The following DIAPH2 variants were observed in gnomAD, a reference collection of about 807,000 sequenced individuals.
DIAPH2 encodes the protein protein diaphanous homolog 2.
A neutral mutation model predicts 92.7 loss-of-function variants in DIAPH2; 35 were observed. That is an observed-to-expected ratio of 0.38 (90% CI 0.29 to 0.50). The LOEUF (loss-of-function observed/expected upper bound fraction) is 0.50. DIAPH2 is among the 20% of genes least tolerant of loss of function. DIAPH2 has a pLI of 0.94. For synonymous variants in DIAPH2, 301 were observed against 280.4 expected (o/e 1.07, Z -0.73); for missense variants, 701 against 819.5 (o/e 0.86, Z 1.77).
In DIAPH2 at chrX:97,141,745, T is replaced by G; in HGVS notation, c.2670T>G (p.Asp890Glu). Residue 890 changes from aspartate to glutamate, a missense_variant, in exon 22 of 27, where the codon GAT becomes GAG. Around this residue, in one of 3 missense-constraint regions of DIAPH2, gnomAD observed 536 missense variants for 599.3 expected, o/e 0.89. Transcript: ENST00000324765. ...IADICEEKYR[D>E]ILKFPEELEH... ...ACATTTGTGAGGAAAAATATCGAGA[T>G]ATCCTAAAATTTCCTGAAGAACTGG... The G allele has an allele frequency of 8.3e-7, 1 of 1,205,109 alleles. No homozygotes were observed. Among genetic ancestry groups the G allele is most frequent in the Non-Finnish European group, 1.1e-6 (1 of 892,995 alleles).
In DIAPH2 at chrX:97,292,194, A is replaced by G. The variant is rs765240507; in HGVS notation, c.2844+44355A>G. The stretch of plus-strand genomic sequence containing the variant: ...CAGGTGCATGACACCACACCAGGCT[A>G]ATTTTTTAATCTTTATTTTTGTAGA... On this transcript the variant is annotated intron_variant, in intron 23 of 26. Transcript: ENST00000324765. Among the ~76,000 whole-genome samples, 147 of 108,669 alleles carry G rather than the reference A, an allele frequency of 1.4e-3. 1 individual carries two copies. Among genetic ancestry groups the G allele is most frequent in the African/African-American group, 4.7e-3 (140 of 29,755 alleles). The allele number at this position is 108,669 out of a possible 115,157, so 94.4% of individuals were successfully genotyped here.
At chrX:96,696,755 A>G (rs1297799641) in intron 1 of DIAPH2, among the ~76,000 whole-genome samples, 1 of 112,026 alleles carries the variant, frequency 8.9e-6, no homozygotes, top group Non-Finnish European at 1.9e-5. Flanking sequence ...TCAATAGTAC[A>G]CAATATCATA....
chrX:97,357,807 A>C (rs2041057730), intron 24 of DIAPH2, among the ~76,000 whole-genome samples: 1 of 112,113 alleles, frequency 8.9e-6, no homozygotes, highest in Admixed American at 9.5e-5. Context: ...AATGAAATAT[A>C]ATACATATGT....
intron 17 of DIAPH2, among the ~76,000 whole-genome samples, chrX:97,071,236 A>T (rs1325907417): frequency 1.8e-5 from 2 of 111,982 alleles, no homozygotes; most frequent in Non-Finnish European, 3.8e-5. Context: ...CAATTAGAAT[A>T]AATTAAAATG....
chrX:97,193,039 G>T (rs1484128052), intron 22 of DIAPH2, among the ~76,000 whole-genome samples: 1 of 91,609 alleles, frequency 1.1e-5, no homozygotes, highest in Non-Finnish European at 2.1e-5. Context: ...TTGAGACAGG[G>T]TCTCTCTCTG....
intron 22 of DIAPH2, among the ~76,000 whole-genome samples, chrX:97,178,128 G>A (rs1014579519): frequency 9.1e-6 from 1 of 110,090 alleles, no homozygotes; most frequent in African/African-American, 3.3e-5. Context: ...GGGGGGCCTT[G>A]GGGGGAATGC....
intron 21 of DIAPH2, among the ~76,000 whole-genome samples, chrX:97,136,465 C>G (rs1240272017): frequency 3.6e-5 from 4 of 111,533 alleles, no homozygotes; most frequent in African/African-American, 1.3e-4. Context: ...AATAATTATT[C>G]TGATTAGAAA....
At chrX:97,551,450 C>T (rs1340490367) in intron 26 of DIAPH2, among the ~76,000 whole-genome samples, 4 of 109,003 alleles carry the variant, frequency 3.7e-5, no homozygotes, top group Non-Finnish European at 7.6e-5. Context: ...CTTAGCTGGG[C>T]GTGGTGGCGC....
intron 17 of DIAPH2, 62 bp from the exon 18 acceptor site, chrX:97,072,879 T>C (rs756737355): frequency 5.6e-5 from 39 of 700,940 alleles, no homozygotes; most frequent in Non-Finnish European, 8.0e-5. Flanking sequence ...GCCTTACTAA[T>C]GTTATTCCGT....
intron 22 of DIAPH2, among the ~76,000 whole-genome samples, chrX:97,173,120 G>C (rs1010717079): frequency 8.9e-5 from 10 of 112,584 alleles, no homozygotes; most frequent in African/African-American, 3.2e-4. Context: ...ATGACTATGG[G>C]CTAGTCACAG....
At chrX:97,364,218 A>C (rs1442386005) in intron 24 of DIAPH2, among the ~76,000 whole-genome samples, 1 of 111,780 alleles carries the variant, frequency 8.9e-6, no homozygotes, top group Non-Finnish European at 1.9e-5. Context: ...CCTCCCAAGG[A>C]CATTTCACAA....
At chrX:97,044,302 A>G in intron 17 of DIAPH2, among the ~76,000 whole-genome samples, 1 of 111,183 alleles carries the variant, frequency 9.0e-6, no homozygotes. Flanking sequence ...ACTATCAGGT[A>G]TCTTTTTTTC....
At chrX:97,387,340 A>G (rs758215828) in intron 25 of DIAPH2, among the ~76,000 whole-genome samples, 2 of 112,386 alleles carry the variant, frequency 1.8e-5, no homozygotes, top group Non-Finnish European at 3.8e-5. Flanking sequence ...GAGAAACAGA[A>G]CTAGTAAGAT....
intron 5 of DIAPH2, among the ~76,000 whole-genome samples, chrX:96,911,813 T>C (rs2065470236): frequency 8.9e-6 from 1 of 111,868 alleles, no homozygotes; most frequent in Admixed American, 9.6e-5. Flanking sequence ...TGCTTAGTTT[T>C]GTTGCTTGTT....
intron 19 of DIAPH2, among the ~76,000 whole-genome samples, chrX:97,093,576 T>C (rs2066843656): frequency 8.9e-6 from 1 of 112,415 alleles, no homozygotes; most frequent in Non-Finnish European, 1.9e-5. Context: ...TAATGCTTAA[T>C]ATCACTTTTT....
chrX:97,399,612 G>A (rs1460158757), intron 25 of DIAPH2, among the ~76,000 whole-genome samples: 2 of 111,889 alleles, frequency 1.8e-5, no homozygotes, highest in Non-Finnish European at 3.8e-5. Flanking sequence ...CCTGGTGGGT[G>A]ACATCATGAT....
chrX:97,065,089 G>A (rs756163709), intron 17 of DIAPH2, among the ~76,000 whole-genome samples: 9 of 111,529 alleles, frequency 8.1e-5, no homozygotes, highest in Admixed American at 7.7e-4. Context: ...TTGTAGCATC[G>A]CAATTCCTAC....
chrX:97,369,142 A>G (rs778906509), intron 24 of DIAPH2, among the ~76,000 whole-genome samples: 3 of 110,563 alleles, frequency 2.7e-5, no homozygotes, highest in African/African-American at 9.8e-5. Context: ...TCCCTACCTC[A>G]GGTGATCCGC....
In DIAPH2 at chrX:97,297,468, T is replaced by C. The variant is rs142693180; in HGVS notation, c.2844+49629T>C. On this transcript the variant is annotated intron_variant, in intron 23 of 26. Coordinates refer to ENST00000324765, the MANE Select transcript of DIAPH2 (RefSeq NM_006729.5). ...GGGCTCTAACCACCTGTCAGTAATA[T>C]GTTTCTGTCAATTTTCCTGTAGATT... Among the ~76,000 whole-genome samples the C allele has an allele frequency of 4.9e-3, 538 of 110,713 alleles. 2 individuals carry two copies. Among genetic ancestry groups the C allele is most frequent in the African/African-American group, 0.017 (519 of 30,524 alleles).
Sources: gnomAD v4.1 joint callset for allele counts (sites outside exome capture counted in the v4.1 genomes callset) on GRCh38, gnomAD v4.1.1 for gene constraint, gnomAD v4.1.1 regional missense constraint, MANE v1.5 for transcripts, NCBI Gene and HGNC (gene_info 2026-07-23, HGNC 2026-07-21) for gene names.